Variants in SYT9 observed in about 807,000 individuals in gnomAD.
SYT9 encodes synaptotagmin-9.
Under a neutral mutation model 48.4 loss-of-function variants are expected in SYT9, and 22 were observed. The observed-to-expected ratio is 0.45, with a 90% CI of 0.32 to 0.65. SYT9 has a LOEUF of 0.65. Ranked by LOEUF, SYT9 falls within the 30% of genes least tolerant of loss-of-function variation. The pLI, the probability that SYT9 is intolerant of heterozygous loss-of-function variation, is 0.03. For synonymous variants in SYT9, 265 were observed against 245.0 expected (o/e 1.08, Z -0.76); for missense variants, 577 against 622.0 (o/e 0.93, Z 0.77).
intron 1 of SYT9, among the ~76,000 whole-genome samples, chr11:7,243,944 T>A (rs1589882242): frequency 1.5e-5 from 1 of 64,948 alleles, no homozygotes; most frequent in Non-Finnish European, 3.6e-5. Context: ...GCAGAAAGCA[T>A]TTTTTTTTTT....
chr11:7,365,561 C>T (rs563423321), intron 3 of SYT9, among the ~76,000 whole-genome samples: 1 of 152,212 alleles, frequency 6.6e-6, no homozygotes, highest in East Asian at 1.9e-4. Flanking sequence ...ACCACGAAGC[C>T]TAACACCTCC....
intron 1 of SYT9, among the ~76,000 whole-genome samples, chr11:7,246,426 A>T (rs530480930): frequency 4.6e-5 from 7 of 152,334 alleles, no homozygotes; most frequent in Non-Finnish European, 8.8e-5. Flanking sequence ...GAATCATAGA[A>T]GAATACATAT....
chr11:7,244,825 CA>C (rs1490153458), intron 1 of SYT9, among the ~76,000 whole-genome samples: 1 of 152,142 alleles, frequency 6.6e-6, no homozygotes, highest in African/African-American at 2.4e-5. Context: ...GGTCTAAGAG[CA>C]GCATGAAAGA....
intron 1 of SYT9, among the ~76,000 whole-genome samples, chr11:7,275,395 C>T (rs1000238561): frequency 6.6e-6 from 1 of 152,182 alleles, no homozygotes; most frequent in African/African-American, 2.4e-5. Flanking sequence ...TCCCAGTGGA[C>T]ACATTTCAGT....
intron 3 of SYT9, among the ~76,000 whole-genome samples, chr11:7,349,681 A>G (rs892022817): frequency 1.3e-5 from 2 of 152,214 alleles, no homozygotes; most frequent in African/African-American, 4.8e-5. Context: ...CCCCAGTTCT[A>G]GTGTGTTTTC....
At chr11:7,440,347 G>A (rs938444302) in intron 6 of SYT9, 2 of 152,188 alleles carry the variant, frequency 1.3e-5, no homozygotes, top group South Asian at 2.1e-4. Flanking sequence ...CTTACAAGAA[G>A]AGAAGCACAA....
intron 6 of SYT9, chr11:7,439,732 C>G (rs1847791230): frequency 6.6e-6 from 1 of 152,264 alleles, no homozygotes; most frequent in Non-Finnish European, 1.5e-5. Context: ...TTCACGGTGC[C>G]TACCATCTCA....
In SYT9 at chr11:7,241,838, G is replaced by A. The variant is rs114493647; in HGVS notation, c.49+2922G>A. Reference sequence around the variant, plus strand: ...ATATCAAATTTGAAAAATCCTGCCAGATAATTCTAATAGGAGACTGATGAG... The same window carrying A: ...ATATCAAATTTGAAAAATCCTGCCAAATAATTCTAATAGGAGACTGATGAG... On this transcript the variant is annotated intron_variant and NMD_transcript_variant, in intron 1 of 8. Coordinates refer to the SYT9 transcript ENST00000524820. Among the ~76,000 whole-genome samples the A allele has an allele frequency of 3.3e-3, 503 of 152,302 alleles. 2 individuals carry two copies. Among genetic ancestry groups the A allele is most frequent in the African/African-American group, 0.011 (474 of 41,560 alleles).
intron 1 of SYT9, among the ~76,000 whole-genome samples, chr11:7,281,481 T>C (rs1252635343): frequency 6.6e-6 from 1 of 152,234 alleles, no homozygotes; most frequent in Non-Finnish European, 1.5e-5. Flanking sequence ...TGTTATGATA[T>C]TACTGCTTTT....
chr11:7,322,025 G>A (rs759962776), intron 3 of SYT9, among the ~76,000 whole-genome samples: 5 of 152,012 alleles, frequency 3.3e-5, no homozygotes, highest in South Asian at 2.1e-4. Context: ...TCCTACCTCC[G>A]TATGATTTTA....
chr11:7,374,370 C>T (rs1244900459), intron 3 of SYT9, among the ~76,000 whole-genome samples: 1 of 152,130 alleles, frequency 6.6e-6, no homozygotes, highest in Non-Finnish European at 1.5e-5. Flanking sequence ...GATAGTGCTG[C>T]AACAAACATA....
intron 3 of SYT9, among the ~76,000 whole-genome samples, chr11:7,388,113 G>C (rs1018167833): frequency 6.6e-6 from 1 of 152,112 alleles, no homozygotes; most frequent in Non-Finnish European, 1.5e-5. Context: ...GAATTCACCA[G>C]TGAACCCAAC....
intron 6 of SYT9, among the ~76,000 whole-genome samples, chr11:7,426,040 AATGAAC>A (rs1195555354): frequency 3.9e-5 from 6 of 152,222 alleles, no homozygotes; most frequent in Non-Finnish European, 8.8e-5. Context: ...GGAAGAGGTA[AATGAAC>A]TTTATCTTGC....
chr11:7,338,085 C>G (rs1388613862), intron 3 of SYT9, among the ~76,000 whole-genome samples: 2 of 152,124 alleles, frequency 1.3e-5, no homozygotes, highest in Non-Finnish European at 2.9e-5. Context: ...CTGGTTCAGT[C>G]TTGGGAGGAT....
chr11:7,464,586 G>T (rs1399540423), intron 6 of SYT9, among the ~76,000 whole-genome samples: 1 of 152,102 alleles, frequency 6.6e-6, no homozygotes, highest in African/African-American at 2.4e-5. Flanking sequence ...CATACAATAA[G>T]TACCCAAAAA....
chr11:7,307,127 C>T (rs1390993510), intron 2 of SYT9, among the ~76,000 whole-genome samples: 1 of 152,178 alleles, frequency 6.6e-6, no homozygotes, highest in East Asian at 1.9e-4. Flanking sequence ...TTTGACCTTA[C>T]CTCTGAATTA....
At chr11:7,436,534 G>A (rs1590028436) in intron 6 of SYT9, among the ~76,000 whole-genome samples, 1 of 152,336 alleles carries the variant, frequency 6.6e-6, no homozygotes, top group Non-Finnish European at 1.5e-5. Context: ...GCATGTATAT[G>A]TACAAATGTA....
chr11:7,270,030 C>T (rs113806481), intron 1 of SYT9, among the ~76,000 whole-genome samples: 1 of 152,076 alleles, frequency 6.6e-6, no homozygotes, highest in African/African-American at 2.4e-5. Context: ...AAAATAATAA[C>T]AATGAATGAT....
intron 1 of SYT9, among the ~76,000 whole-genome samples, chr11:7,279,203 G>T (rs1430694069): frequency 6.6e-6 from 1 of 152,172 alleles, no homozygotes; most frequent in Non-Finnish European, 1.5e-5. Context: ...AGCCAATTTA[G>T]CAGATGGTTT....
Sources: gnomAD v4.1 joint callset for allele counts (sites outside exome capture counted in the v4.1 genomes callset) on GRCh38, gnomAD v4.1.1 for gene constraint, MANE v1.5 for transcripts, NCBI Gene and HGNC (gene_info 2026-07-23, HGNC 2026-07-21) for gene names.